Variants in COLQ observed in about 807,000 individuals in gnomAD.
COLQ encodes collagen like tail subunit of asymmetric acetylcholinesterase.
In COLQ, 48 loss-of-function variants were observed where a neutral mutation model predicts 69.0. That is an observed-to-expected ratio of 0.70 (90% CI 0.55 to 0.88). The LOEUF is 0.88. Among genes scored for constraint, COLQ ranks in the 40% least tolerant of loss-of-function variants. COLQ has a pLI of 0.00. For missense variants in COLQ, 618 were observed against 594.6 expected, an observed-to-expected ratio of 1.04 and a Z score of -0.41; for synonymous variants, 217 against 211.2, an observed-to-expected ratio of 1.03 and a Z score of -0.24.
chr3:15,463,342 G>GT (rs1380743343), intron 12 of COLQ, among the ~76,000 whole-genome samples: 8 of 142,866 alleles, frequency 5.6e-5, no homozygotes, highest in Non-Finnish European at 1.2e-4. Context: ...TGTTTTTGTT[G>GT]TTTTTTGTTT....
intron 13 of COLQ, among the ~76,000 whole-genome samples, chr3:15,457,456 G>A (rs1334178613): frequency 6.6e-6 from 1 of 152,058 alleles, no homozygotes; most frequent in Non-Finnish European, 1.5e-5. Flanking sequence ...ACACAGGCTC[G>A]CCATGAGTTG....
chr3:15,456,633 G>C, intron 13 of COLQ, 54 bp from the exon 14 acceptor site: 3 of 1,607,418 alleles, frequency 1.9e-6, no homozygotes, highest in Non-Finnish European at 2.5e-6. Flanking sequence ...CAGGGGGCAG[G>C]AAAAAAGCTG....
intron 1 of COLQ, among the ~76,000 whole-genome samples, chr3:15,501,106 G>A (rs2062822939): frequency 6.6e-6 from 1 of 152,204 alleles, no homozygotes; most frequent in Admixed American, 6.5e-5. Flanking sequence ...GCCTTAGCCT[G>A]GCACCAGTTC....
At chr3:15,512,724 T>C (rs1422994955) in intron 1 of COLQ, among the ~76,000 whole-genome samples, 1 of 152,232 alleles carries the variant, frequency 6.6e-6, no homozygotes, top group Non-Finnish European at 1.5e-5. Context: ...AATATGTATA[T>C]ATCACACATT....
intron 1 of COLQ, among the ~76,000 whole-genome samples, chr3:15,520,014 A>G (rs1329912494): frequency 6.6e-6 from 1 of 152,250 alleles, no homozygotes; most frequent in Non-Finnish European, 1.5e-5. Flanking sequence ...ACTGTCTCTC[A>G]GAAGTCAGGG....
chr3:15,481,998 T>C lies in COLQ; in HGVS notation c.322-2616A>G, dbSNP rs979658963. ...GCAATTGTGAATGGGAGCTCACTCA[T>C]GATTTGCCTCTCTGTTTGTCTGTTA... On this transcript the variant is annotated intron_variant, in intron 3 of 16. Transcript: ENST00000383788. Among the ~76,000 whole-genome samples, 11 of 152,334 alleles carry C rather than the reference T, an allele frequency of 7.2e-5. 1 individual carries two copies.
At chr3:15,460,421 T>G (rs1283290718) in intron 12 of COLQ, among the ~76,000 whole-genome samples, 1 of 152,198 alleles carries the variant, frequency 6.6e-6, no homozygotes, top group Non-Finnish European at 1.5e-5. Context: ...TAAGGATCCC[T>G]TCTTCTGGGA....
At chr3:15,511,519 G>A (rs1263934799) in intron 1 of COLQ, among the ~76,000 whole-genome samples, 2 of 152,110 alleles carry the variant, frequency 1.3e-5, no homozygotes, top group Non-Finnish European at 2.9e-5. Flanking sequence ...ACTTTCTACT[G>A]GCAGACAGGA....
chr3:15,465,514 C>T (rs1191679471), intron 12 of COLQ, among the ~76,000 whole-genome samples: 1 of 151,320 alleles, frequency 6.6e-6, no homozygotes, highest in Non-Finnish European at 1.5e-5. Flanking sequence ...GATCTGCCCA[C>T]CTCGGCCTCC....
At chr3:15,492,621 C>T (rs1303911536) in intron 1 of COLQ, among the ~76,000 whole-genome samples, 23 of 151,410 alleles carry the variant, frequency 1.5e-4, no homozygotes, top group Non-Finnish European at 3.4e-4. Flanking sequence ...GAGCCGAGAT[C>T]GCGCCACTGC....
chr3:15,475,171 T>C, intron 7 of COLQ: 1 of 660,824 alleles, frequency 1.5e-6, no homozygotes, highest in Non-Finnish European at 2.6e-6. Flanking sequence ...AAAGTCCTGA[T>C]CAAAGGTTTC....
intron 1 of COLQ, among the ~76,000 whole-genome samples, chr3:15,490,556 T>C (rs536689278): frequency 1.6e-4 from 24 of 152,356 alleles, no homozygotes; most frequent in African/African-American, 5.8e-4. Flanking sequence ...TTTAACATAG[T>C]GTCTATGGAA....
At chr3:15,490,576 G>A (rs2062649273) in intron 1 of COLQ, among the ~76,000 whole-genome samples, 1 of 152,178 alleles carries the variant, frequency 6.6e-6, no homozygotes, top group Non-Finnish European at 1.5e-5. Context: ...AATCATCTAG[G>A]TTGCTGTTTA....
chr3:15,509,208 G>T (rs1010760850), intron 1 of COLQ, among the ~76,000 whole-genome samples: 1 of 152,152 alleles, frequency 6.6e-6, no homozygotes, highest in East Asian at 1.9e-4. Flanking sequence ...TCCTCTGACT[G>T]CCCAGGAGGA....
chr3:15,475,979 G>A (rs952216240), intron 6 of COLQ, among the ~76,000 whole-genome samples: 3 of 152,154 alleles, frequency 2.0e-5, no homozygotes, highest in African/African-American at 4.8e-5. Context: ...AATATAAGGT[G>A]AGCCACATAC....
rs1210174692 is a variant in COLQ, at chr3:15,473,443, G to A, written c.636+557C>T. 6.6e-6 allele frequency among the ~76,000 whole-genome samples: 1 copy of A among 152,130 alleles called. No individual in the cohort carries two copies. Among genetic ancestry groups the A allele is most frequent in the Non-Finnish European group, 1.5e-5 (1 of 68,012 alleles). On this transcript the variant is annotated intron_variant, in intron 10 of 16. Transcript: ENST00000383788. This position sits in a 1 kb window ranked among gnomAD's most constrained non-coding sequence, Gnocchi z 4.0. The stretch of plus-strand genomic sequence containing the variant: ...AAAGTGCTGGGATTACAGGCATGAG[G>A]CACCATGCCTGGCCAATATTTAACT...
At chr3:15,465,517 C>T (rs545542536) in intron 12 of COLQ, among the ~76,000 whole-genome samples, 120 of 151,368 alleles carry the variant, frequency 7.9e-4, no homozygotes, top group African/African-American at 2.4e-3. Flanking sequence ...CTGCCCACCT[C>T]GGCCTCCCAA....
chr3:15,471,926 G>A (rs1046532604), intron 10 of COLQ, among the ~76,000 whole-genome samples: 3 of 151,798 alleles, frequency 2.0e-5, no homozygotes, highest in Admixed American at 6.6e-5. Context: ...AGAGAGGCTC[G>A]GGGATGTCTT....
Position 15,510,695 on chromosome 3 carries a change from G to A in COLQ, c.106+10825C>T, listed in dbSNP as rs963340693. On this transcript the variant is annotated intron_variant, in intron 1 of 16. Coordinates refer to ENST00000383788, the MANE Select transcript of COLQ (RefSeq NM_005677.4). Reference sequence around the variant, plus strand: ...CAGCACTCCAGCCTGGTGACAGAGTGAGACAAGGAGGGAAGGGGACAGGAT... The same window carrying A: ...CAGCACTCCAGCCTGGTGACAGAGTAAGACAAGGAGGGAAGGGGACAGGAT... Among the ~76,000 whole-genome samples, 6 of 144,624 alleles carry A rather than the reference G, an allele frequency of 4.1e-5. No homozygotes were observed. In the Admixed American group the frequency reaches 4.2e-4, roughly 10 times the overall value. 94.9% of individuals were successfully genotyped at this position (144,624 alleles called of 152,430 possible).
Sources: gnomAD v4.1 joint callset for allele counts (sites outside exome capture counted in the v4.1 genomes callset) on GRCh38, gnomAD v4.1.1 for gene constraint, Gnocchi (gnomAD v3.1) non-coding constraint, MANE v1.5 for transcripts, NCBI Gene and HGNC (gene_info 2026-07-23, HGNC 2026-07-21) for gene names.